The following NBEAL1 variants were observed in gnomAD, a reference collection of about 807,000 sequenced individuals.
The protein encoded by NBEAL1 is neurobeachin like 1.
In NBEAL1, 273 loss-of-function variants were observed where a neutral mutation model predicts 351.3. That is an observed-to-expected ratio of 0.78 (90% CI 0.70 to 0.86). NBEAL1 has a LOEUF of 0.86. NBEAL1 is among the 40% of genes least tolerant of loss of function. The pLI is 0.00. For missense variants in NBEAL1, 2,961 were observed against 3,201.3 expected, an observed-to-expected ratio of 0.92 and a Z score of 1.81; for synonymous variants, 1,050 against 1,086.4, an observed-to-expected ratio of 0.97 and a Z score of 0.66.
intron 12 of NBEAL1, among the ~76,000 whole-genome samples, chr2:203,100,543 C>CTT (rs2062292938): frequency 7.9e-6 from 1 of 126,644 alleles, no homozygotes; most frequent in Non-Finnish European, 1.8e-5. Flanking sequence ...TGCATGTTTT[C>CTT]TTTTCTTTTT....
At chr2:203,098,554 A>G (rs185745763) in intron 11 of NBEAL1, among the ~76,000 whole-genome samples, 12 of 152,306 alleles carry the variant, frequency 7.9e-5, no homozygotes, top group Non-Finnish European at 1.5e-4. Flanking sequence ...TAAGCCTGAT[A>G]TAACAGTCAT....
At chr2:203,190,494 C>G (rs191513506) in intron 46 of NBEAL1, 105 bp downstream of exon 46, 32 of 826,998 alleles carry the variant, frequency 3.9e-5, no homozygotes, top group Non-Finnish European at 6.0e-5. Context: ...CAGTTACTCT[C>G]AGTCACAGAA....
chr2:203,175,352 A>C, intron 42 of NBEAL1, 65 bp downstream of exon 42: 5 of 1,517,148 alleles, frequency 3.3e-6, no homozygotes, highest in Non-Finnish European at 4.6e-6. Context: ...GTTTGCCTTC[A>C]TGTCATGTAC....
Position 203,107,912 on chromosome 2 carries a change from G to C in NBEAL1, c.1673G>C (p.Arg558Pro). Residue 558 changes from arginine (R) to proline (P), a missense_variant, in exon 14 of 56, where the codon CGT (arginine) becomes CCT (proline). Arg to Pro is a moderately radical substitution (Grantham distance 103). Coordinates refer to ENST00000683969, the MANE Select transcript of NBEAL1 (RefSeq NM_001378026.1). ...CAGTCAGTGAGCTCAGAAGAAATCCGTCGACTACTGAGATTGCTGAGAGTG... is the reference window on the plus strand; with the variant it reads ...CAGTCAGTGAGCTCAGAAGAAATCCCTCGACTACTGAGATTGCTGAGAGTG... ...GSQSVSSEEI[R>P]RLLRLLRVDE... The C allele has an allele frequency of 1.3e-6, 2 of 1,553,604 alleles. No homozygotes were observed. The highest frequency in any genetic ancestry group is 1.7e-6 in the Non-Finnish European group (2 of 1,147,510).
chr2:203,036,735 A>G (rs571306844), intron 2 of NBEAL1, among the ~76,000 whole-genome samples: 1 of 149,192 alleles, frequency 6.7e-6, no homozygotes, highest in South Asian at 2.1e-4. Context: ...TAGTTGCTCA[A>G]TTTTGTAGGT....
intron 15 of NBEAL1, among the ~76,000 whole-genome samples, chr2:203,110,859 G>A (rs531176622): frequency 4.3e-5 from 6 of 139,658 alleles, no homozygotes; most frequent in African/African-American, 7.9e-5. Flanking sequence ...TCTGCCTCCC[G>A]GGTTCAAGCA....
At chr2:203,031,337 G>T (rs1368590391) in intron 2 of NBEAL1, among the ~76,000 whole-genome samples, 1 of 152,208 alleles carries the variant, frequency 6.6e-6, no homozygotes, top group Non-Finnish European at 1.5e-5. Context: ...CTATGGTAAT[G>T]AATATTTGCT....
In NBEAL1 at chr2:203,224,584, A is replaced by G. The variant is rs1324159310; in HGVS notation, c.*7230A>G. 6.6e-6 allele frequency among the ~76,000 whole-genome samples: 1 copy of G among 152,198 alleles called. No individual in the cohort carries two copies. Among genetic ancestry groups the G allele is most frequent in the Admixed American group, 6.5e-5 (1 of 15,282 alleles). ...GCATGTATATGCACATAGTCAATTC[A>G]GAGCGTAATAACTAAAAATTCAGAA... On this transcript the variant is annotated 3_prime_UTR_variant, in exon 56 of 56. Coordinates refer to ENST00000683969, the MANE Select transcript of NBEAL1 (RefSeq NM_001378026.1).
At position 203,217,704 on chromosome 2, in the gene NBEAL1, C is replaced by T; in HGVS notation, c.*350C>T. 1 of 969,322 alleles carries T rather than the reference C, an allele frequency of 1.0e-6. No individual in the cohort carries two copies. The highest frequency in any genetic ancestry group is 1.2e-6 in the Non-Finnish European group (1 of 814,270). 60.0% of individuals were successfully genotyped at this position (969,322 alleles called of 1,614,324 possible). Reference sequence around the variant, plus strand: ...ATAATGGGACAGTTGAGAGAGATGGCTTTAAATACATTCTTAAGTAATCAT... The same window carrying T: ...ATAATGGGACAGTTGAGAGAGATGGTTTTAAATACATTCTTAAGTAATCAT... On this transcript the variant is annotated 3_prime_UTR_variant, in exon 56 of 56. Transcript: ENST00000683969.
At chr2:203,027,175 G>A (rs1259519079) in intron 2 of NBEAL1, among the ~76,000 whole-genome samples, 1 of 152,094 alleles carries the variant, frequency 6.6e-6, no homozygotes, top group African/African-American at 2.4e-5. Flanking sequence ...TCCTTTGAAG[G>A]TATCAGAATT....
In NBEAL1 at chr2:203,110,074, A is replaced by G. The variant is rs185120192; in HGVS notation, c.1950-76A>G. 79 of 1,359,476 alleles carry G rather than the reference A, an allele frequency of 5.8e-5. No individual in the cohort carries two copies. In the African/African-American group the frequency reaches 9.7e-4, roughly 17 times the overall value. The allele number at this position is 1,359,476 out of a possible 1,614,324, so 84.2% of individuals were successfully genotyped here. A position where few individuals can be genotyped will look rare whatever the true frequency, so the allele number is the denominator to read the frequency against. On this transcript the variant is annotated intron_variant, in intron 14 of 55. Coordinates refer to ENST00000683969, the MANE Select transcript of NBEAL1 (RefSeq NM_001378026.1). ...GGGTAAAGATGTTCATGATGGCTTT[A>G]TGGTTTTATGTACTTTAATGATGAT...
At position 203,224,356 on chromosome 2, in the gene NBEAL1, G is replaced by A. The variant is rs2065986440; in HGVS notation, c.*7002G>A. ...AGGTATGGCTTTCATTCCTCCAGTT[G>A]TTTGCTTTTATAGACTTGGAGCAAA... is the stretch of plus-strand genomic sequence containing the variant. On this transcript the variant is annotated 3_prime_UTR_variant, in exon 56 of 56. Coordinates refer to ENST00000683969, the MANE Select transcript of NBEAL1 (RefSeq NM_001378026.1). 6.6e-6 allele frequency among the ~76,000 whole-genome samples: 1 copy of A among 152,022 alleles called. No individual in the cohort carries two copies. Among genetic ancestry groups the A allele is most frequent in the South Asian group, 2.1e-4 (1 of 4,836 alleles).
chr2:203,212,223 T>C (rs2065807351), intron 54 of NBEAL1, among the ~76,000 whole-genome samples: 1 of 151,936 alleles, frequency 6.6e-6, no homozygotes, highest in Admixed American at 6.6e-5. Context: ...CACTCACTTA[T>C]GAATCAACAA....
chr2:203,090,657 G>C (rs1177787758), intron 10 of NBEAL1, among the ~76,000 whole-genome samples: 1 of 152,196 alleles, frequency 6.6e-6, no homozygotes, highest in Non-Finnish European at 1.5e-5. Flanking sequence ...GGGAGGCCGA[G>C]GTGGGCAGAT....
chr2:203,176,191 T>TG (rs1553498734), intron 42 of NBEAL1, among the ~76,000 whole-genome samples: 52 of 149,804 alleles, frequency 3.5e-4, no homozygotes, highest in Admixed American at 3.5e-3. Flanking sequence ...TTTTTTTTTT[T>TG]GAGACAGAGT....
At chr2:203,210,201 A>G (rs552248958) in intron 53 of NBEAL1, among the ~76,000 whole-genome samples, 2 of 151,610 alleles carry the variant, frequency 1.3e-5, no homozygotes, top group Non-Finnish European at 2.9e-5. Context: ...CATCTCTACT[A>G]AAAATACAAA....
In NBEAL1 at chr2:203,172,777, A is replaced by G. The variant is rs1300298124; in HGVS notation, c.6247A>G (p.Asn2083Asp). Residue 2083 changes from asparagine (N) to aspartate (D), a missense_variant, in exon 41 of 56, where the codon AAC becomes GAC. Asn to Asp is a conservative substitution (Grantham distance 23, BLOSUM62 1). Coordinates refer to ENST00000683969, the MANE Select transcript of NBEAL1 (RefSeq NM_001378026.1). The part of the protein sequence containing the change: ...DYTSEELDLN[N>D]PAVFRDLSKP... The stretch of plus-strand genomic sequence containing the variant: ...TACTTCGGAAGAGTTGGACCTTAAT[A>G]ACCCTGCTGTATTTCGAGATCTTTC... 6.2e-7 allele frequency: 1 copy of G among 1,612,720 alleles called. No individual in the cohort carries two copies.
chr2:203,206,023 A>T (rs763023971), intron 51 of NBEAL1, among the ~76,000 whole-genome samples: 3 of 152,236 alleles, frequency 2.0e-5, no homozygotes, highest in African/African-American at 7.2e-5. Flanking sequence ...ACATACAACT[A>T]TGTGTATGCT....
intron 10 of NBEAL1, among the ~76,000 whole-genome samples, chr2:203,094,154 T>C (rs1361899881): frequency 6.6e-6 from 1 of 152,196 alleles, no homozygotes; most frequent in Non-Finnish European, 1.5e-5. Flanking sequence ...AAGTCCATTG[T>C]AATATATAAT....
Sources: gnomAD v4.1 joint callset for allele counts (sites outside exome capture counted in the v4.1 genomes callset) on GRCh38, gnomAD v4.1.1 for gene constraint, MANE v1.5 for transcripts, NCBI Gene and HGNC (gene_info 2026-07-23, HGNC 2026-07-21) for gene names.